PAPSS1: variants seen among roughly 807,000 people sequenced by gnomAD.
PAPSS1 encodes bifunctional 3'-phosphoadenosine 5'-phosphosulfate synthase 1.
In PAPSS1, 50 loss-of-function variants were observed where a neutral mutation model predicts 72.0. The observed-to-expected ratio is 0.69, with a 90% CI of 0.55 to 0.88. The LOEUF (loss-of-function observed/expected upper bound fraction) is 0.88. Among genes scored for constraint, PAPSS1 ranks in the 40% least tolerant of loss-of-function variants. The pLI is 0.00. For synonymous variants in PAPSS1, 261 were observed against 263.6 expected (o/e 0.99, Z 0.09); for missense variants, 657 against 782.2 (o/e 0.84, Z 1.91).
chr4:107,651,550 G>A (rs970399606), intron 9 of PAPSS1, among the ~76,000 whole-genome samples: 1 of 152,132 alleles, frequency 6.6e-6, no homozygotes, highest in Non-Finnish European at 1.5e-5. Context: ...TTACAATCAT[G>A]GTGGAAGGGG....
intron 10 of PAPSS1, among the ~76,000 whole-genome samples, chr4:107,635,081 A>G (rs1289524564): frequency 1.3e-5 from 2 of 152,192 alleles, no homozygotes; most frequent in Non-Finnish European, 2.9e-5. Flanking sequence ...TACAGGCGTG[A>G]GCCACCGCGC....
At chr4:107,618,987 G>C (rs17037911) in intron 11 of PAPSS1, among the ~76,000 whole-genome samples, 1,569 of 152,140 alleles carry the variant, frequency 0.01, 32 homozygotes, top group African/African-American at 0.036. Flanking sequence ...CCACTTATTG[G>C]CTCCCTAAAT....
intron 10 of PAPSS1, among the ~76,000 whole-genome samples, chr4:107,642,922 C>A (rs1005096367): frequency 1.3e-5 from 2 of 152,176 alleles, no homozygotes; most frequent in Non-Finnish European, 2.9e-5. Flanking sequence ...AAGGACCTAG[C>A]AATTCTCCTC....
chr4:107,684,138 T>G (rs1341256289), intron 4 of PAPSS1, among the ~76,000 whole-genome samples: 1 of 152,158 alleles, frequency 6.6e-6, no homozygotes, highest in African/African-American at 2.4e-5. Context: ...CCAAGAGCAT[T>G]GTGGACAAGG....
chr4:107,670,140 A>AC (rs1259504816), intron 5 of PAPSS1, among the ~76,000 whole-genome samples: 1 of 152,214 alleles, frequency 6.6e-6, no homozygotes, highest in Non-Finnish European at 1.5e-5. Context: ...AATAAACAGA[A>AC]CAAGTTATTT....
chr4:107,686,233 A>T (rs891472301), intron 4 of PAPSS1, among the ~76,000 whole-genome samples: 3 of 152,136 alleles, frequency 2.0e-5, no homozygotes, highest in African/African-American at 7.2e-5. Context: ...AATCATGCGG[A>T]TTTGTTCCCG....
intron 4 of PAPSS1, among the ~76,000 whole-genome samples, chr4:107,685,700 C>A (rs191591795): frequency 7.2e-5 from 11 of 152,330 alleles, no homozygotes; most frequent in African/African-American, 2.4e-4. Context: ...CAGCCTTGCC[C>A]ATGGAACTAA....
At chr4:107,713,259 C>A (rs1183428921) in intron 1 of PAPSS1, among the ~76,000 whole-genome samples, 1 of 152,066 alleles carries the variant, frequency 6.6e-6, no homozygotes, top group Non-Finnish European at 1.5e-5. Context: ...AATTTCATTT[C>A]TAGGAAAGCC....
chr4:107,713,526 G>A (rs965238192), intron 1 of PAPSS1, among the ~76,000 whole-genome samples: 10 of 152,066 alleles, frequency 6.6e-5, no homozygotes, highest in Non-Finnish European at 1.0e-4. Context: ...TTGGGAGGTC[G>A]AGGTGGGCAG....
chr4:107,636,859 T>C (rs1407873991), intron 10 of PAPSS1, among the ~76,000 whole-genome samples: 1 of 152,190 alleles, frequency 6.6e-6, no homozygotes, highest in Non-Finnish European at 1.5e-5. Flanking sequence ...ATTATTTGTT[T>C]CAAAATTTCC....
chr4:107,714,251 C>G (rs1034655830), intron 1 of PAPSS1, among the ~76,000 whole-genome samples: 3 of 152,160 alleles, frequency 2.0e-5, no homozygotes, highest in Non-Finnish European at 2.9e-5. Context: ...TAGTAATTTT[C>G]CATCCACCGA....
At chr4:107,621,608 C>CTTTTTTTTTTTT (rs10670438) in intron 11 of PAPSS1, among the ~76,000 whole-genome samples, 808 of 48,158 alleles carry the variant, frequency 0.017, 174 homozygotes, top group Middle Eastern at 0.024. Context: ...GGTTTTTTAT[C>CTTTTTTTTTTTT]TTTTTTTTTT....
intron 10 of PAPSS1, among the ~76,000 whole-genome samples, chr4:107,640,956 C>T (rs573719562): frequency 1.2e-3 from 178 of 152,228 alleles, no homozygotes; most frequent in African/African-American, 2.8e-3. Flanking sequence ...AACTTCTTGG[C>T]CTTCCCTCCA....
intron 9 of PAPSS1, among the ~76,000 whole-genome samples, chr4:107,651,273 G>A (rs990081178): frequency 6.6e-6 from 1 of 152,318 alleles, no homozygotes; most frequent in South Asian, 2.1e-4. Flanking sequence ...TGAAGAGTGG[G>A]TGGCCCATCT....
chr4:107,661,368 T>C (rs1676260770), intron 5 of PAPSS1, among the ~76,000 whole-genome samples: 1 of 152,244 alleles, frequency 6.6e-6, no homozygotes, highest in African/African-American at 2.4e-5. Flanking sequence ...GTTGAAAACG[T>C]ACCTCCACTC....
At chr4:107,694,370 A>G in intron 2 of PAPSS1, 1 of 185,326 alleles carries the variant, frequency 5.4e-6, no homozygotes, top group Non-Finnish European at 1.1e-5. Flanking sequence ...TTCTTATCTA[A>G]TATTTCTCTT....
At chr4:107,689,962 A>G (rs1331811889) in intron 3 of PAPSS1, among the ~76,000 whole-genome samples, 1 of 152,172 alleles carries the variant, frequency 6.6e-6, no homozygotes, top group Non-Finnish European at 1.5e-5. Flanking sequence ...AGCAGGCACC[A>G]GGTCTTACTG....
chr4:107,675,340 T>C (rs577694375), intron 5 of PAPSS1, among the ~76,000 whole-genome samples: 1 of 152,104 alleles, frequency 6.6e-6, no homozygotes, highest in South Asian at 2.1e-4. Context: ...CAATAAAAAA[T>C]GATAAAGGGG....
intron 10 of PAPSS1, among the ~76,000 whole-genome samples, chr4:107,633,885 G>C (rs561167857): frequency 1.4e-5 from 2 of 142,344 alleles, no homozygotes; most frequent in African/African-American, 5.2e-5. Context: ...CACCACTGCA[G>C]TCCGGCCTGG....
Sources: allele counts gnomAD v4.1 joint callset (sites outside exome capture counted in the v4.1 genomes callset), GRCh38; gene constraint gnomAD v4.1.1; transcripts MANE v1.5; gene names NCBI Gene and HGNC (gene_info 2026-07-23, HGNC 2026-07-21).